The following FMN1 variants were observed in gnomAD, a reference collection of about 807,000 sequenced individuals.
The protein encoded by FMN1 is formin 1.
In FMN1, 110 loss-of-function variants were observed where a neutral mutation model predicts 132.4. The ratio of observed to expected loss-of-function variants is 0.83; its 90% CI spans 0.71 to 0.97. The LOEUF (loss-of-function observed/expected upper bound fraction) is 0.97. Ranked by LOEUF, FMN1 falls within the 50% of genes least tolerant of loss-of-function variation. The probability of loss-of-function intolerance (pLI) is 0.00; values close to 1 mark genes in which losing one functional copy is unlikely to be tolerated. For missense variants in FMN1, 1,792 were observed against 1,705.3 expected (o/e 1.05, Z -0.90); for synonymous variants, 722 against 651.7 (o/e 1.11, Z -1.64).
At chr15:32,837,846 G>A (rs1420616536) in intron 17 of FMN1, among the ~76,000 whole-genome samples, 1 of 152,188 alleles carries the variant, frequency 6.6e-6, no homozygotes, top group East Asian at 1.9e-4. Context: ...CACAGAGAAT[G>A]GGATGTGCTC....
intron 2 of FMN1, among the ~76,000 whole-genome samples, chr15:33,189,637 A>G (rs1022696035): frequency 6.6e-6 from 1 of 152,204 alleles, no homozygotes; most frequent in Non-Finnish European, 1.5e-5. Flanking sequence ...GCAGGTACAT[A>G]CTATCCAGAT....
At chr15:32,899,655 A>G (rs1181397082) in intron 14 of FMN1, 1 of 303,022 alleles carries the variant, frequency 3.3e-6, no homozygotes, top group African/African-American at 2.2e-5. Flanking sequence ...AACAGCCTCC[A>G]GCCTTTGCAG....
chr15:33,158,947 GAGC>G (rs1396347640), intron 3 of FMN1, among the ~76,000 whole-genome samples: 1 of 152,172 alleles, frequency 6.6e-6, no homozygotes, highest in East Asian at 1.9e-4. Flanking sequence ...AGCACTTTGG[GAGC>G]CTGAGGTGGG....
At chr15:33,187,957 T>C (rs1008964045) in intron 2 of FMN1, among the ~76,000 whole-genome samples, 2 of 152,206 alleles carry the variant, frequency 1.3e-5, no homozygotes, top group African/African-American at 2.4e-5. Context: ...GCTTCCTTGC[T>C]CTCTGTGAAT....
chr15:32,940,497 G>C (rs1360029311), intron 9 of FMN1, among the ~76,000 whole-genome samples: 3 of 151,682 alleles, frequency 2.0e-5, no homozygotes, highest in Non-Finnish European at 2.9e-5. Flanking sequence ...GGATACAGGA[G>C]CTACTCATAA....
At chr15:32,881,677 C>G (rs1040353809) in intron 16 of FMN1, among the ~76,000 whole-genome samples, 23 of 152,108 alleles carry the variant, frequency 1.5e-4, no homozygotes, top group Admixed American at 1.0e-3. Context: ...TTTCCTCTTA[C>G]AAGAAGCATT....
chr15:33,080,539 C>T (rs369354312), intron 5 of FMN1, among the ~76,000 whole-genome samples: 141 of 152,180 alleles, frequency 9.3e-4, no homozygotes, highest in African/African-American at 3.2e-3. Context: ...GATCACCTGA[C>T]GTCAGGAGTT....
At chr15:32,799,627 G>A (rs2057410803) in intron 18 of FMN1, among the ~76,000 whole-genome samples, 1 of 152,156 alleles carries the variant, frequency 6.6e-6, no homozygotes, top group Admixed American at 6.5e-5. Context: ...AACCATTTCT[G>A]ATCTTGGAAA....
chr15:33,042,993 C>T (rs571270576), intron 6 of FMN1, among the ~76,000 whole-genome samples: 10 of 152,058 alleles, frequency 6.6e-5, no homozygotes, highest in East Asian at 1.9e-4. Flanking sequence ...TAAACATATG[C>T]GTGTATATTT....
intron 3 of FMN1, among the ~76,000 whole-genome samples, chr15:33,156,527 C>A (rs568325825): frequency 3.3e-5 from 5 of 151,602 alleles, no homozygotes; most frequent in Admixed American, 3.3e-4. Flanking sequence ...TGGACTCAAG[C>A]GATCCTCCCA....
intron 2 of FMN1, among the ~76,000 whole-genome samples, chr15:33,188,254 T>C (rs189188768): frequency 2.1e-4 from 32 of 152,138 alleles, no homozygotes; most frequent in African/African-American, 7.5e-4. Context: ...GCAGGAGAAT[T>C]GCTTGAACCC....
chr15:33,019,770 T>G (rs1367545892), intron 6 of FMN1, among the ~76,000 whole-genome samples: 1 of 151,966 alleles, frequency 6.6e-6, no homozygotes, highest in Non-Finnish European at 1.5e-5. Flanking sequence ...CCACTCGGAG[T>G]GCGGGGCCCG....
At chr15:33,030,825 GT>G (rs753815951) in intron 6 of FMN1, among the ~76,000 whole-genome samples, 1 of 152,060 alleles carries the variant, frequency 6.6e-6, no homozygotes, top group Non-Finnish European at 1.5e-5. Flanking sequence ...TTATGTGGGA[GT>G]TTTTTTATTA....
At chr15:33,015,502 A>G (rs2034990164) in intron 6 of FMN1, among the ~76,000 whole-genome samples, 1 of 152,108 alleles carries the variant, frequency 6.6e-6, no homozygotes, top group Admixed American at 6.6e-5. Flanking sequence ...ACATATATCC[A>G]AGCCTCCACC....
intron 5 of FMN1, among the ~76,000 whole-genome samples, chr15:33,079,909 T>A (rs749207492): frequency 3.3e-5 from 5 of 152,210 alleles, no homozygotes; most frequent in Non-Finnish European, 5.9e-5. Flanking sequence ...AATTGATCAG[T>A]TCATCCCTTT....
intron 4 of FMN1, among the ~76,000 whole-genome samples, chr15:33,102,825 A>G (rs1286212040): frequency 6.6e-6 from 1 of 152,130 alleles, no homozygotes; most frequent in African/African-American, 2.4e-5. Context: ...ACTTTCTCAT[A>G]TGGGTATTCA....
chr15:32,857,186 C>T, intron 16 of FMN1, 79 bp from the exon 17 acceptor site: 3 of 1,092,162 alleles, frequency 2.7e-6, no homozygotes, highest in Non-Finnish European at 4.2e-6. Context: ...CTGTGCTATG[C>T]ACTTGGCTAT....
intron 4 of FMN1, among the ~76,000 whole-genome samples, chr15:33,146,788 C>A (rs1964238844): frequency 6.6e-6 from 1 of 152,082 alleles, no homozygotes; most frequent in South Asian, 2.1e-4. Flanking sequence ...AGATCGGCAC[C>A]ACAGTCATTT....
At chr15:33,074,495 G>C (rs1243796411) in intron 5 of FMN1, among the ~76,000 whole-genome samples, 1 of 152,158 alleles carries the variant, frequency 6.6e-6, no homozygotes, top group Non-Finnish European at 1.5e-5. Context: ...GTGATTAAGG[G>C]CTTTTTTCTC....
Sources: allele counts gnomAD v4.1 joint callset (sites outside exome capture counted in the v4.1 genomes callset), GRCh38; gene constraint gnomAD v4.1.1; transcripts MANE v1.5; gene names NCBI Gene and HGNC (gene_info 2026-07-23, HGNC 2026-07-21).